ADAMTS17: variants seen among roughly 807,000 people sequenced by gnomAD.
The protein encoded by ADAMTS17 is A disintegrin and metalloproteinase with thrombospondin motifs 17.
A neutral mutation model predicts 141.5 loss-of-function variants in ADAMTS17; 113 were observed. The observed-to-expected ratio is 0.80, with a 90% CI of 0.69 to 0.93. The LOEUF (loss-of-function observed/expected upper bound fraction) is 0.93, where lower values mean the gene tolerates loss of function less well. Among genes scored for constraint, ADAMTS17 ranks in the 40% least tolerant of loss-of-function variants. ADAMTS17 has a pLI of 0.00. For synonymous variants in ADAMTS17, 768 were observed against 630.6 expected (o/e 1.22, Z -3.27); for missense variants, 1,659 against 1,517.9 (o/e 1.09, Z -1.54).
At chr15:100,007,257 T>A (rs1403959118) in intron 18 of ADAMTS17, among the ~76,000 whole-genome samples, 1 of 152,152 alleles carries the variant, frequency 6.6e-6, no homozygotes, top group Non-Finnish European at 1.5e-5. Context: ...GTGGAGGGAC[T>A]GTGGTGCAAC....
chr15:100,156,635 TAACC>T lies in ADAMTS17; in HGVS notation c.1182-1319_1182-1316del, dbSNP rs139663781. Among the ~76,000 whole-genome samples the T allele has an allele frequency of 6.1e-3, 922 of 152,330 alleles. 24 individuals carry two copies. The highest frequency in any genetic ancestry group is 0.043 in the East Asian group (221 of 5,188). Reference sequence around the variant, plus strand: ...TCATACATGTGGCTACATGTTGGGTTAACCAACGAAATATGGGGACAAACACCAA... The same window carrying T: ...TCATACATGTGGCTACATGTTGGGTTAACGAAATATGGGGACAAACACCAA... On this transcript the variant is annotated intron_variant, in intron 8 of 21. Coordinates refer to ENST00000268070, the MANE Select transcript of ADAMTS17 (RefSeq NM_139057.4).
At chr15:100,099,746 G>A (rs2035980804) in intron 14 of ADAMTS17, among the ~76,000 whole-genome samples, 1 of 135,990 alleles carries the variant, frequency 7.4e-6, no homozygotes, top group African/African-American at 2.8e-5. Flanking sequence ...GGGATGGTAT[G>A]AGATGGTATG....
At chr15:100,274,469 T>C (rs1393184741) in intron 4 of ADAMTS17, among the ~76,000 whole-genome samples, 1 of 152,214 alleles carries the variant, frequency 6.6e-6, no homozygotes, top group Non-Finnish European at 1.5e-5. Flanking sequence ...TGTTGTGTGA[T>C]GTTAGTATAG....
chr15:100,050,543 T>C (rs933526840), intron 17 of ADAMTS17, among the ~76,000 whole-genome samples: 2 of 152,192 alleles, frequency 1.3e-5, no homozygotes, highest in Admixed American at 1.3e-4. Context: ...GTGAGGGTGG[T>C]TGGCCAAGAT....
chr15:100,302,735 A>C (rs2045085121), intron 3 of ADAMTS17, among the ~76,000 whole-genome samples: 1 of 152,162 alleles, frequency 6.6e-6, no homozygotes, highest in Non-Finnish European at 1.5e-5. Context: ...TGTCAATTTG[A>C]CTGGATTGAA....
intron 3 of ADAMTS17, among the ~76,000 whole-genome samples, chr15:100,294,333 C>G (rs985461675): frequency 7.9e-5 from 12 of 152,150 alleles, no homozygotes; most frequent in African/African-American, 2.9e-4. Flanking sequence ...TCTGAACACT[C>G]ACCAAAAACT....
intron 8 of ADAMTS17, among the ~76,000 whole-genome samples, chr15:100,196,489 C>T (rs528854096): frequency 3.3e-5 from 5 of 152,344 alleles, no homozygotes; most frequent in Non-Finnish European, 5.9e-5. Flanking sequence ...CGCCCTACGA[C>T]GCACATTAGG....
chr15:100,101,303 T>C (rs2036084732), intron 14 of ADAMTS17, among the ~76,000 whole-genome samples: 1 of 152,234 alleles, frequency 6.6e-6, no homozygotes, highest in Non-Finnish European at 1.5e-5. Context: ...ATCTCTGGAA[T>C]GATCACGTTT....
chr15:100,326,517 GA>G lies in ADAMTS17; in HGVS notation c.616+4371del. ...GCATCTAAGCTGTGGAAATAAGGAGGAAACAGCCAATTGTTAACTGTGTGGG... is the reference window on the plus strand; with the variant it reads ...GCATCTAAGCTGTGGAAATAAGGAGGAACAGCCAATTGTTAACTGTGTGGG... On this transcript the variant is annotated intron_variant, in intron 3 of 21. Coordinates refer to ENST00000268070, the MANE Select transcript of ADAMTS17 (RefSeq NM_139057.4). Among the ~76,000 whole-genome samples the G allele has an allele frequency of 2.0e-5, 3 of 152,302 alleles. No homozygotes were observed. The Middle Eastern group carries it at 0.01, about 518-fold the overall frequency.
chr15:100,315,263 G>A (rs565137020), intron 3 of ADAMTS17, among the ~76,000 whole-genome samples: 13 of 152,298 alleles, frequency 8.5e-5, no homozygotes, highest in Admixed American at 2.0e-4. Flanking sequence ...TGCTTCCTGC[G>A]GCAGCCTCGG....
intron 20 of ADAMTS17, among the ~76,000 whole-genome samples, chr15:99,984,154 A>G (rs975943112): frequency 1.3e-5 from 2 of 152,108 alleles, no homozygotes; most frequent in Non-Finnish European, 2.9e-5. Context: ...GCTGACCTGC[A>G]TATTGTGGCT....
intron 3 of ADAMTS17, among the ~76,000 whole-genome samples, chr15:100,325,443 C>T (rs1464108288): frequency 6.6e-6 from 1 of 152,164 alleles, no homozygotes; most frequent in Non-Finnish European, 1.5e-5. Flanking sequence ...GAGATAAGAC[C>T]ATGTGAAGAC....
intron 15 of ADAMTS17, among the ~76,000 whole-genome samples, chr15:100,087,707 C>T (rs1209026374): frequency 1.3e-5 from 2 of 152,162 alleles, no homozygotes; most frequent in African/African-American, 4.8e-5. Flanking sequence ...GAAACGTAAT[C>T]CAGCATATAA....
At chr15:100,321,077 C>T (rs935189693) in intron 3 of ADAMTS17, among the ~76,000 whole-genome samples, 1 of 140,456 alleles carries the variant, frequency 7.1e-6, no homozygotes, top group African/African-American at 2.7e-5. Context: ...GTTAAATTAA[C>T]AGATAAAAAT....
At chr15:100,005,000 C>T (rs1345817157) in intron 18 of ADAMTS17, among the ~76,000 whole-genome samples, 3 of 152,336 alleles carry the variant, frequency 2.0e-5, no homozygotes, top group East Asian at 3.9e-4. Context: ...AAGTGATCTG[C>T]CTGCCTCGGC....
At chr15:100,245,879 G>GT (rs1321769927) in intron 7 of ADAMTS17, among the ~76,000 whole-genome samples, 14 of 152,186 alleles carry the variant, frequency 9.2e-5, no homozygotes, top group African/African-American at 3.4e-4. Context: ...ATGCATGAGC[G>GT]TAAAGGTGTG....
At chr15:100,186,931 A>T (rs1168149706) in intron 8 of ADAMTS17, among the ~76,000 whole-genome samples, 1 of 152,240 alleles carries the variant, frequency 6.6e-6, no homozygotes, top group Non-Finnish European at 1.5e-5. Context: ...CCCTTTTGCA[A>T]GATGGCATCT....
Position 100,132,138 on chromosome 15 carries a change from C to G in ADAMTS17, c.1590G>C (p.Gly530=). The G allele has an allele frequency of 6.2e-7, 1 of 1,613,732 alleles. No individual in the cohort carries two copies. The highest frequency in any genetic ancestry group is 8.5e-7 in the Non-Finnish European group (1 of 1,179,952). The part of the protein sequence containing the change: ...ECGADKWCRA[G]ECVSKTPIPE... ...GGATGGGCGTCTTGCTCACGCACTC[C>G]CCCGCGCGGCACCACTGAAACACAG... The change falls in exon 12 of 22, where the codon GGG becomes GGC. Residue 530 remains glycine (G), a synonymous_variant. Coordinates refer to ENST00000268070, the MANE Select transcript of ADAMTS17 (RefSeq NM_139057.4).
intron 4 of ADAMTS17, among the ~76,000 whole-genome samples, chr15:100,265,446 C>T (rs1331377328): frequency 1.3e-5 from 2 of 152,220 alleles, no homozygotes; most frequent in African/African-American, 2.4e-5. Context: ...CCAGCTCTGG[C>T]GGCATCCCAG....
Sources: gnomAD v4.1 joint callset for allele counts (sites outside exome capture counted in the v4.1 genomes callset) on GRCh38, gnomAD v4.1.1 for gene constraint, MANE v1.5 for transcripts, NCBI Gene and HGNC (gene_info 2026-07-23, HGNC 2026-07-21) for gene names.